The following E2F5 variants were observed in gnomAD, a reference collection of about 807,000 sequenced individuals.
E2F5 encodes the protein E2F transcription factor 5, also known as transcription factor E2F5.
A neutral mutation model predicts 39.1 loss-of-function variants in E2F5; 23 were observed. The observed-to-expected ratio is 0.59, with a 90% confidence interval of 0.42 to 0.83. The LOEUF is 0.83. E2F5 is among the 40% of genes least tolerant of loss of function. E2F5 has a pLI of 0.00. For missense variants in E2F5, 365 were observed against 406.7 expected (o/e 0.90, Z 0.88); for synonymous variants, 145 against 157.8 (o/e 0.92, Z 0.61).
intron 1 of E2F5, among the ~76,000 whole-genome samples, chr8:85,188,371 A>T (rs1812390013): frequency 1.3e-5 from 2 of 149,242 alleles, no homozygotes; most frequent in Admixed American, 1.3e-4. Flanking sequence ...TTTTTTGTAA[A>T]ACACTTCTGG....
chr8:85,199,587 T>TA (rs1812649917), intron 1 of E2F5, among the ~76,000 whole-genome samples: 1 of 152,072 alleles, frequency 6.6e-6, no homozygotes, highest in Non-Finnish European at 1.5e-5. Context: ...ATTATTCTGT[T>TA]AGATATTAAA....
chr8:85,195,190 T>C lies in E2F5; in HGVS notation c.235-6957T>C, dbSNP rs576125820. On this transcript the variant is annotated intron_variant, in intron 1 of 7. Coordinates refer to ENST00000416274, the MANE Select transcript of E2F5 (RefSeq NM_001951.4). ...ATGAGGTCAGGAGTTCGAGACCAGCTTGCCCAACATAGTGAAACCCCCTCT... is the reference window on the plus strand; with the variant it reads ...ATGAGGTCAGGAGTTCGAGACCAGCCTGCCCAACATAGTGAAACCCCCTCT... 5.9e-4 allele frequency among the ~76,000 whole-genome samples: 89 copies of C among 151,996 alleles called. No individual in the cohort carries two copies. The South Asian group carries it at 0.017, about 29-fold the overall frequency.
At position 85,213,881 on chromosome 8, in the gene E2F5, A is replaced by G; in HGVS notation, c.*19A>G. ...TTATTAGATTCCATGGAAACTTGGGACTGTTATCTACCTCTAACTGTGTAA... is the reference window on the plus strand; with the variant it reads ...TTATTAGATTCCATGGAAACTTGGGGCTGTTATCTACCTCTAACTGTGTAA... On this transcript the variant is annotated 3_prime_UTR_variant, in exon 8 of 8. Transcript: ENST00000416274. 1 of 1,380,242 alleles carries G rather than the reference A, an allele frequency of 7.2e-7. No homozygotes were observed. The highest frequency in any genetic ancestry group is 1.0e-6 in the Non-Finnish European group (1 of 968,748). 85.5% of individuals were successfully genotyped at this position (1,380,242 alleles called of 1,614,324 possible).
At chr8:85,205,869 GCCT>G (rs1176732956) in intron 3 of E2F5, among the ~76,000 whole-genome samples, 1 of 151,886 alleles carries the variant, frequency 6.6e-6, no homozygotes. Context: ...GTTGCTGATG[GCCT>G]CCTTTTCCCC....
intron 1 of E2F5, among the ~76,000 whole-genome samples, chr8:85,186,844 G>A (rs1324036025): frequency 2.7e-5 from 4 of 147,360 alleles, no homozygotes; most frequent in Non-Finnish European, 1.5e-5. Context: ...TATGTAAGGT[G>A]TATATATATG....
chr8:85,209,031 G>A, intron 5 of E2F5, 111 bp from the exon 6 acceptor site: 1 of 1,089,958 alleles, frequency 9.2e-7, no homozygotes, highest in Non-Finnish European at 1.3e-6. Flanking sequence ...ACTTTATTGT[G>A]TTATGTGAAT....
intron 1 of E2F5, among the ~76,000 whole-genome samples, chr8:85,180,622 G>C (rs1225213254): frequency 7.9e-6 from 1 of 127,386 alleles, no homozygotes; most frequent in African/African-American, 3.1e-5. Context: ...CTGTGGCCCA[G>C]GCGGGAGTGC....
chr8:85,204,026 A>G (rs1233469329), intron 3 of E2F5, among the ~76,000 whole-genome samples: 2 of 152,016 alleles, frequency 1.3e-5, no homozygotes, highest in African/African-American at 4.8e-5. Context: ...TGACTAATGT[A>G]TACAATATAA....
At chr8:85,212,019 AAAC>A in intron 6 of E2F5, 135 bp from the exon 7 acceptor site, 1 of 619,642 alleles carries the variant, frequency 1.6e-6, no homozygotes, top group East Asian at 3.1e-5. Context: ...GCGCTCATGA[AAAC>A]AACCTGTCCA....
At chr8:85,203,762 G>T (rs370136923) in intron 3 of E2F5, among the ~76,000 whole-genome samples, 1 of 150,126 alleles carries the variant, frequency 6.7e-6, no homozygotes, top group East Asian at 1.9e-4. Flanking sequence ...GGTCTAAGTC[G>T]TGTGTGCCTA....
At chr8:85,184,555 A>G (rs1359749729) in intron 1 of E2F5, among the ~76,000 whole-genome samples, 2 of 152,322 alleles carry the variant, frequency 1.3e-5, no homozygotes, top group East Asian at 3.9e-4. Context: ...GCATTCAAAC[A>G]GGAAAAGAGG....
At chr8:85,203,032 A>G (rs1812726905) in intron 2 of E2F5, 62 bp from the exon 3 acceptor site, 1 of 1,209,112 alleles carries the variant, frequency 8.3e-7, no homozygotes, top group Admixed American at 4.0e-5. Context: ...TATTACAGTA[A>G]AAATTAAGTG....
rs1812862987 is a variant in E2F5, at chr8:85,209,180, G to A, written c.654G>A (p.Lys218=). 6.2e-7 allele frequency: 1 copy of A among 1,613,856 alleles called. No individual in the cohort carries two copies. The highest frequency in any genetic ancestry group is 8.5e-7 in the Non-Finnish European group (1 of 1,179,894). The part of the protein sequence containing the change: ...NGQKKYQINL[K]SHSGPIHVLL... ...AAAAGAAATACCAGATCAATCTAAA[G>A]AGTCATTCAGGACCTATCCATGTGC... is the stretch of plus-strand genomic sequence containing the variant. Residue 218 remains lysine (K), a synonymous_variant, in exon 6 of 8, where the codon AAG becomes AAA. Transcript: ENST00000416274.
intron 1 of E2F5, among the ~76,000 whole-genome samples, chr8:85,193,922 G>T (rs1363893716): frequency 6.6e-6 from 1 of 152,144 alleles, no homozygotes; most frequent in African/African-American, 2.4e-5. Flanking sequence ...ATACCGCTAT[G>T]AATTCATGTA....
At chr8:85,183,510 T>A (rs1207038105) in intron 1 of E2F5, among the ~76,000 whole-genome samples, 2 of 152,212 alleles carry the variant, frequency 1.3e-5, no homozygotes, top group Admixed American at 6.5e-5. Flanking sequence ...CTAATGTCCG[T>A]CAATAGATGA....
chr8:85,186,627 A>G (rs1812341944), intron 1 of E2F5, among the ~76,000 whole-genome samples: 1 of 147,390 alleles, frequency 6.8e-6, no homozygotes, highest in Non-Finnish European at 1.5e-5. Flanking sequence ...TAAGGTATAT[A>G]TATGGTATAT....
At chr8:85,202,337 A>G (rs987321084) in intron 2 of E2F5, 81 bp downstream of exon 2, 28 of 1,004,674 alleles carry the variant, frequency 2.8e-5, no homozygotes, top group South Asian at 8.1e-5. Flanking sequence ...CAATGTTTCT[A>G]TCTCCCAAAT....
Position 85,180,624 on chromosome 8 carries a change from C to T in E2F5, c.234+2970C>T, listed in dbSNP as rs1443815637. On this transcript the variant is annotated intron_variant, in intron 1 of 7. Coordinates refer to ENST00000416274, the MANE Select transcript of E2F5 (RefSeq NM_001951.4). The stretch of plus-strand genomic sequence containing the variant: ...ACAGAGTCTCGCTCTGTGGCCCAGG[C>T]GGGAGTGCAGTGGCGCAATCTCGGC... Among the ~76,000 whole-genome samples the T allele has an allele frequency of 4.9e-5, 6 of 123,332 alleles. 1 individual carries two copies. The highest frequency in any genetic ancestry group is 9.4e-5 in the Admixed American group (1 of 10,596). 80.9% of individuals were successfully genotyped at this position (123,332 alleles called of 152,430 possible). A position where few individuals can be genotyped will look rare whatever the true frequency, so the allele number is the denominator to read the frequency against.
Position 85,177,604 on chromosome 8 carries a change from T to A in E2F5, c.184T>A (p.Phe62Ile). ...EKSLGLLTTKFVSLLQEAKDG... is the reference protein window; with the variant it reads ...EKSLGLLTTKIVSLLQEAKDG... ...GAGCCTGGGGCTGCTCACTACCAAG[T>A]TCGTGTCGCTGCTGCAGGAGGCCAA... Residue 62 changes from phenylalanine to isoleucine, a missense_variant, in exon 1 of 8, where the codon TTC becomes ATC. By Grantham distance (21) the Phe-to-Ile change is conservative. Transcript: ENST00000416274. The A allele has an allele frequency of 3.1e-6, 4 of 1,296,278 alleles. 1 individual carries two copies. The highest frequency in any genetic ancestry group is 3.9e-6 in the Non-Finnish European group (4 of 1,017,456). The allele number at this position is 1,296,278 out of a possible 1,614,324, so 80.3% of individuals were successfully genotyped here.
Sources: gnomAD v4.1 joint callset for allele counts (sites outside exome capture counted in the v4.1 genomes callset) on GRCh38, gnomAD v4.1.1 for gene constraint, MANE v1.5 for transcripts, NCBI Gene and HGNC (gene_info 2026-07-23, HGNC 2026-07-21) for gene names.